DENND6B: variants seen among roughly 807,000 people sequenced by gnomAD.
DENND6B encodes protein DENND6B.
Under a neutral mutation model 85.1 loss-of-function variants are expected in DENND6B, and 73 were observed. The observed-to-expected ratio is 0.86, with a 90% CI of 0.71 to 1.04. The LOEUF (loss-of-function observed/expected upper bound fraction) is 1.04. Among genes scored for constraint, DENND6B ranks in the 50% least tolerant of loss-of-function variants. DENND6B has a pLI of 0.00. For synonymous variants in DENND6B, 357 were observed against 329.3 expected (o/e 1.08, Z -0.91); for missense variants, 715 against 785.8 (o/e 0.91, Z 1.08).
Position 50,312,213 on chromosome 22 carries a change from G to A in DENND6B, c.1684C>T (p.Arg562Trp), listed in dbSNP as rs755533884. The A allele has an allele frequency of 1.1e-5, 17 of 1,612,336 alleles. No individual in the cohort carries two copies. The Admixed American group carries it at 1.2e-4, about 11-fold the overall frequency. ...QLPVKEATLQ[R>W]AQLYIETVIG... ...ACCGTCTCGATGTACAGCTGTGCCCGCTGCAGCGTAGCCTCCTTCACAGGG... is the reference window on the plus strand; with the variant it reads ...ACCGTCTCGATGTACAGCTGTGCCCACTGCAGCGTAGCCTCCTTCACAGGG... Residue 562 changes from arginine to tryptophan, a missense_variant, in exon 20 of 20, where the codon CGG (arginine) becomes TGG (tryptophan). Physicochemically the swap from Arg to Trp is moderately radical, Grantham distance 101 (BLOSUM62 -3). Coordinates refer to ENST00000413817, the MANE Select transcript of DENND6B (RefSeq NM_001001794.4).
In DENND6B at chr22:50,309,620, C is replaced by A. The variant is rs902413857; in HGVS notation, c.*2519G>T. The stretch of plus-strand genomic sequence containing the variant: ...GCTGGGACACTACCCCCCACCTTAG[C>A]CTTAGCTTCTGCCCAGGGCAATGCT... On this transcript the variant is annotated 3_prime_UTR_variant, in exon 20 of 20. Transcript: ENST00000413817. The A allele has an allele frequency of 6.6e-6, 1 of 152,404 alleles. No homozygotes were observed. The highest frequency in any genetic ancestry group is 1.5e-5 in the Non-Finnish European group (1 of 68,190). 9.4% of individuals were successfully genotyped at this position (152,404 alleles called of 1,614,324 possible).
At chr22:50,319,697 T>G (rs2041983593) in intron 1 of DENND6B, among the ~76,000 whole-genome samples, 1 of 148,918 alleles carries the variant, frequency 6.7e-6, no homozygotes, top group African/African-American at 2.6e-5. Flanking sequence ...GTCGTGCTGC[T>G]CCCCCAGCCT....
chr22:50,326,822 T>C lies in DENND6B; in HGVS notation c.167A>G (p.Gln56Arg). The change falls in exon 1 of 20, where the codon CAG becomes CGG. Residue 56 changes from glutamine (Q) to arginine (R), a missense_variant. Coordinates refer to ENST00000413817, the MANE Select transcript of DENND6B (RefSeq NM_001001794.4). ...CVVTFDLELG[Q>R]ALELVYPNDF... is the part of the protein sequence containing the mutation. ...CTCGCGCCCGCTCACCTCCAGCGCC[T>C]GGCCCAGCTCCAGGTCGAAGGTGAC... is the stretch of plus-strand genomic sequence containing the variant. 1 of 1,418,844 alleles carries C rather than the reference T, an allele frequency of 7.0e-7. No homozygotes were observed. Among genetic ancestry groups the C allele is most frequent in the Non-Finnish European group, 9.2e-7 (1 of 1,090,312 alleles). 87.9% of individuals were successfully genotyped at this position (1,418,844 alleles called of 1,614,324 possible).
chr22:50,326,952 G>A lies in DENND6B; in HGVS notation c.37C>T (p.Arg13Cys), dbSNP rs1275231933. ...ALLGTGPRRA[R>C]GCLGAAGPTS... ...GGTCCAGCCGCGCCCAGGCAGCCGC[G>A]AGCCCGGCGAGGCCCTGTGCCCAAC... Residue 13 changes from arginine to cysteine, a missense_variant, in exon 1 of 20, where the codon CGC (arginine) becomes TGC (cysteine). Physicochemically the swap from Arg to Cys is radical, Grantham distance 180. Transcript: ENST00000413817. 2 of 1,278,240 alleles carry A rather than the reference G, an allele frequency of 1.6e-6. No individual in the cohort carries two copies. Among genetic ancestry groups the A allele is most frequent in the Non-Finnish European group, 2.0e-6 (2 of 1,018,020 alleles). 79.2% of individuals were successfully genotyped at this position (1,278,240 alleles called of 1,614,324 possible).
At chr22:50,322,046 T>A (rs1445326297) in intron 1 of DENND6B, among the ~76,000 whole-genome samples, 1 of 145,996 alleles carries the variant, frequency 6.8e-6, no homozygotes, top group Middle Eastern at 3.6e-3. Context: ...TAACCAATAT[T>A]AAAAAAAAAA....
chr22:50,314,870 G>C lies in DENND6B; in HGVS notation c.810C>G (p.Leu270=), dbSNP rs2041748464. ...THMQTLWELM[L]LGEPLLVLAP... is the part of the protein sequence containing the mutation. ...CCAGGACTAGCAGGGGCTCCCCGAG[G>C]AGCATGAGCTCCCACAGTGTCTGCA... The change falls in exon 10 of 20, where the codon CTC becomes CTG. Residue 270 remains leucine (L), a synonymous_variant. Coordinates refer to ENST00000413817, the MANE Select transcript of DENND6B (RefSeq NM_001001794.4). 6.2e-7 allele frequency: 1 copy of C among 1,612,214 alleles called. No individual in the cohort carries two copies. The highest frequency in any genetic ancestry group is 2.2e-5 in the East Asian group (1 of 44,878).
rs201898331 is a variant in DENND6B, at chr22:50,313,595, C to T, written c.1293+40G>A. ...CCCCCCAACCCCATCCCCCCAGCCC[C>T]GTGCCCCCCAGTCCCATGTCCCCCA... On this transcript the variant is annotated intron_variant, in intron 15 of 19. Coordinates refer to ENST00000413817, the MANE Select transcript of DENND6B (RefSeq NM_001001794.4). 9.4e-4 allele frequency: 1,435 copies of T among 1,524,536 alleles called. 17 individuals are homozygous for T. In the Admixed American group the frequency reaches 0.012, roughly 12 times the overall value. The allele number at this position is 1,524,536 out of a possible 1,614,324, so 94.4% of individuals were successfully genotyped here. A position where few individuals can be genotyped will look rare whatever the true frequency, so the allele number is the denominator to read the frequency against.
In DENND6B at chr22:50,316,492, C is replaced by T. The variant is rs2041822617; in HGVS notation, c.454-17G>A. On this transcript the variant is annotated splice_polypyrimidine_tract_variant and intron_variant, in intron 5 of 19. Transcript: ENST00000413817. ...CACCAAAGACTGCAGGGCCACGGGG[C>T]CAGTTAGAGGCCCAGTGCCAGGCCT... 1.3e-6 allele frequency: 2 copies of T among 1,559,960 alleles called. No homozygotes were observed. Among genetic ancestry groups the T allele is most frequent in the African/African-American group, 1.4e-5 (1 of 73,250 alleles).
At chr22:50,323,909 A>C (rs1011787595) in intron 1 of DENND6B, among the ~76,000 whole-genome samples, 5 of 151,200 alleles carry the variant, frequency 3.3e-5, no homozygotes, top group African/African-American at 7.3e-5. Context: ...ATTTATTTTT[A>C]ATTTTGGTAG....
Position 50,317,366 on chromosome 22 carries a change from G to T in DENND6B, c.380C>A (p.Pro127Gln). Reference protein sequence around the residue: ...SRAPVALQREPAHYFGYVYFR... With the variant: ...SRAPVALQREQAHYFGYVYFR... ...GTACACGTAGCCGAAGTAGTGTGCC[G>T]GCTCCCTCTGCAAGGAGCATGGTGT... The change falls in exon 5 of 20, where the codon CCG becomes CAG. Residue 127 changes from proline (P) to glutamine (Q), a missense_variant. By Grantham distance (76) the Pro-to-Gln change is moderately conservative (BLOSUM62 -1). Coordinates refer to ENST00000413817, the MANE Select transcript of DENND6B (RefSeq NM_001001794.4). The T allele has an allele frequency of 1.9e-6, 3 of 1,612,868 alleles. No individual in the cohort carries two copies. Among genetic ancestry groups the T allele is most frequent in the Non-Finnish European group, 1.7e-6 (2 of 1,179,690 alleles).
intron 1 of DENND6B, among the ~76,000 whole-genome samples, chr22:50,326,531 G>T (rs940867760): frequency 6.6e-6 from 1 of 152,232 alleles, no homozygotes. Flanking sequence ...GGAATGGAGG[G>T]GGGAGATGTG....
intron 1 of DENND6B, among the ~76,000 whole-genome samples, chr22:50,323,561 T>C (rs1264768801): frequency 6.6e-6 from 1 of 151,286 alleles, no homozygotes; most frequent in Non-Finnish European, 1.5e-5. Context: ...GCTAAGATTA[T>C]AGGCATGAAA....
rs982158139 is a variant in DENND6B, at chr22:50,309,179, C to T, written c.*2960G>A. On this transcript the variant is annotated 3_prime_UTR_variant, in exon 20 of 20. Coordinates refer to ENST00000413817, the MANE Select transcript of DENND6B (RefSeq NM_001001794.4). ...CAGGCCCCCTGTGTGCACCCTCAGC[C>T]CCGAGCCCCACTCCAGACCTGCTCC... 1 of 152,248 alleles carries T rather than the reference C, an allele frequency of 6.6e-6. No homozygotes were observed. Among genetic ancestry groups the T allele is most frequent in the Non-Finnish European group, 1.5e-5 (1 of 68,070 alleles). The allele number at this position is 152,248 out of a possible 1,614,324, so 9.4% of individuals were successfully genotyped here. A position where few individuals can be genotyped will look rare whatever the true frequency, so the allele number is the denominator to read the frequency against.
intron 9 of DENND6B, 54 bp downstream of exon 9, chr22:50,315,660 G>T: frequency 6.5e-7 from 1 of 1,534,850 alleles, no homozygotes; most frequent in Non-Finnish European, 8.8e-7. Flanking sequence ...GTACATGCAC[G>T]TGCACACACA....
intron 1 of DENND6B, among the ~76,000 whole-genome samples, chr22:50,323,581 C>T (rs1028589526): frequency 4.0e-5 from 6 of 151,616 alleles, no homozygotes; most frequent in African/African-American, 1.5e-4. Context: ...ACACTGTGCC[C>T]GGCCTCATTT....
intron 4 of DENND6B, 136 bp from the exon 5 acceptor site, chr22:50,317,509 G>C (rs2041891903): frequency 1.0e-6 from 1 of 995,286 alleles, no homozygotes; most frequent in African/African-American, 1.6e-5. Context: ...TGGAGCTGCT[G>C]TCCGTGCACT....
At chr22:50,319,939 C>T (rs1031358057) in intron 1 of DENND6B, among the ~76,000 whole-genome samples, 3 of 152,344 alleles carry the variant, frequency 2.0e-5, no homozygotes, top group East Asian at 1.9e-4. Context: ...CTGACAGAGG[C>T]GGCAGGTGGG....
intron 1 of DENND6B, among the ~76,000 whole-genome samples, chr22:50,322,932 A>G (rs1243883273): frequency 7.1e-6 from 1 of 141,370 alleles, no homozygotes; most frequent in African/African-American, 2.7e-5. Context: ...CTCACTGCCA[A>G]CTCCGCCTCC....
Position 50,311,909 on chromosome 22 carries a change from C to G in DENND6B, c.*230G>C. On this transcript the variant is annotated 3_prime_UTR_variant, in exon 20 of 20. Coordinates refer to ENST00000413817, the MANE Select transcript of DENND6B (RefSeq NM_001001794.4). ...TAAGGTCTGCAGAGGCCAGGTGGGA[C>G]CCAGGAGGAGGCAAGGCTCTGCCTG... The G allele has an allele frequency of 1.4e-6, 1 of 708,434 alleles. No homozygotes were observed. The highest frequency in any genetic ancestry group is 2.2e-6 in the Non-Finnish European group (1 of 446,038). The allele number at this position is 708,434 out of a possible 1,614,324, so 43.9% of individuals were successfully genotyped here. A position where few individuals can be genotyped will look rare whatever the true frequency, so the allele number is the denominator to read the frequency against.
Sources: gnomAD v4.1 joint callset for allele counts (sites outside exome capture counted in the v4.1 genomes callset) on GRCh38, gnomAD v4.1.1 for gene constraint, MANE v1.5 for transcripts, NCBI Gene and HGNC (gene_info 2026-07-23, HGNC 2026-07-21) for gene names.